The following SLC4A2 variants were observed in gnomAD, a reference collection of about 807,000 sequenced individuals.
SLC4A2 encodes anion exchange protein 2.
Under a neutral mutation model 115.0 loss-of-function variants are expected in SLC4A2, and 36 were observed. The ratio of observed to expected loss-of-function variants is 0.31; its 90% confidence interval spans 0.24 to 0.41. The LOEUF (loss-of-function observed/expected upper bound fraction) is 0.41. Ranked by LOEUF, SLC4A2 falls within the 10% of genes least tolerant of loss-of-function variation. The pLI, the probability that SLC4A2 is intolerant of heterozygous loss-of-function variation, is 1.00. For synonymous variants in SLC4A2, 708 were observed against 708.3 expected, an observed-to-expected ratio of 1.00 and a Z score of 0.01; for missense variants, 1,252 against 1,705.6, an observed-to-expected ratio of 0.73 and a Z score of 4.68.
At chr7:151,074,538 G>C in intron 18 of SLC4A2, 50 bp downstream of exon 18, 1 of 1,603,066 alleles carries the variant, frequency 6.2e-7, no homozygotes. Flanking sequence ...GCCACCCCGG[G>C]TCTAGGTGTT....
At chr7:151,073,765 C>T (rs752059737) in intron 16 of SLC4A2, among the ~76,000 whole-genome samples, 14 of 152,134 alleles carry the variant, frequency 9.2e-5, no homozygotes, top group Non-Finnish European at 1.6e-4. Context: ...GTGCTCATGT[C>T]CTCTTCCTTT....
rs184855519 is a variant in SLC4A2 at position 151,075,781 on chromosome 7, C to T, written c.3471+6C>T. 1.8e-5 allele frequency: 29 copies of T among 1,595,280 alleles called. No homozygotes were observed. Among genetic ancestry groups the T allele is most frequent in the East Asian group, 1.6e-4 (7 of 44,396 alleles). ...ATGTCACTTACGTCAAGAAGGTGAG[C>T]CCCCCAGCTCCCCACCGGAAGGGGT... On this transcript the variant is annotated splice_donor_region_variant and intron_variant, in intron 21 of 22. Coordinates refer to ENST00000413384, the MANE Select transcript of SLC4A2 (RefSeq NM_003040.4).
chr7:151,062,597 G>A, intron 2 of SLC4A2: 1 of 1,497,756 alleles, frequency 6.7e-7, no homozygotes, highest in Non-Finnish European at 8.9e-7. Context: ...AGGGGCACAG[G>A]CTGGTCCCCT....
chr7:151,073,722 A>G (rs1444395813), intron 16 of SLC4A2, among the ~76,000 whole-genome samples: 1 of 152,306 alleles, frequency 6.6e-6, no homozygotes, highest in African/African-American at 2.4e-5. Flanking sequence ...TCTGGGCATC[A>G]GATGTGTGTG....
At position 151,070,424 on chromosome 7, in the gene SLC4A2, C is replaced by T. The variant is rs370632475; in HGVS notation, c.1450-33C>T. On this transcript the variant is annotated intron_variant, in intron 10 of 22. Coordinates refer to ENST00000413384, the MANE Select transcript of SLC4A2 (RefSeq NM_003040.4). ...GGTGTGGACTCAGAGTGGGAGGGGC[C>T]TGGCTGGGCTGAGCCCTGTCTGTGT... The T allele has an allele frequency of 2.5e-6, 4 of 1,611,260 alleles. No homozygotes were observed. The East Asian group carries it at 8.9e-5, about 36-fold the overall frequency.
chr7:151,071,124 C>CCAT lies in SLC4A2; in HGVS notation c.1805_1807dup (p.Ile602dup). 1 of 1,612,766 alleles carries CCAT rather than the reference C, an allele frequency of 6.2e-7. No individual in the cohort carries two copies. The highest frequency in any genetic ancestry group is 8.5e-7 in the Non-Finnish European group (1 of 1,180,032). ...GACGAGCGGGAGGACCTGCTGACGG[C>CCAT]CATCAACGCCTTCCTGGACTGCAGC... On this transcript the variant is annotated inframe_insertion, in exon 13 of 23. Transcript: ENST00000413384. The surrounding 1 kb of genome is among the most constrained non-coding windows in gnomAD (Gnocchi z 5.5).
chr7:151,061,775 A>C, intron 1 of SLC4A2, 150 bp from the exon 2 acceptor site: 1 of 558,006 alleles, frequency 1.8e-6, no homozygotes, highest in Non-Finnish European at 3.2e-6. Context: ...TTTTCTTCCT[A>C]TAAATAACTC....
chr7:151,068,573 A>G (rs1365218539), intron 8 of SLC4A2, among the ~76,000 whole-genome samples: 11 of 152,024 alleles, frequency 7.2e-5, no homozygotes, highest in Admixed American at 7.2e-4. Flanking sequence ...AGGCTGGAGT[A>G]CAGTGGTGTG....
Position 151,074,888 on chromosome 7 carries a change from C to T in SLC4A2, c.3047+47C>T, listed in dbSNP as rs35041630. 1.7e-4 allele frequency: 259 copies of T among 1,525,576 alleles called. 4 individuals carry two copies. In the Middle Eastern group the frequency reaches 6.9e-3, roughly 41 times the overall value. 94.5% of individuals were successfully genotyped at this position (1,525,576 alleles called of 1,614,324 possible). A position where few individuals can be genotyped will look rare whatever the true frequency, so the allele number is the denominator to read the frequency against. On this transcript the variant is annotated intron_variant, in intron 19 of 22. Transcript: ENST00000413384. ...GGTGTGAGAGGCCAGAGCCCCAGGCCAGGCTGGGGAACTCAGCATGGAACC... is the reference window on the plus strand; with the variant it reads ...GGTGTGAGAGGCCAGAGCCCCAGGCTAGGCTGGGGAACTCAGCATGGAACC...
chr7:151,073,905 A>T, intron 16 of SLC4A2, 134 bp from the exon 17 acceptor site: 1 of 953,778 alleles, frequency 1.0e-6, no homozygotes, highest in Non-Finnish European at 1.6e-6. Context: ...TCATTGTCTT[A>T]ATTCAACAAG....
At position 151,071,481 on chromosome 7, in the gene SLC4A2, G is replaced by A. The variant is rs1563358004; in HGVS notation, c.2067G>A (p.Val689=). The A allele has an allele frequency of 6.2e-7, 1 of 1,612,526 alleles. No individual in the cohort carries two copies. ...CCTTTGGGGGGCTGATCCGAGATGT[G>A]CGGCGCCGCTATCCCCACTACCTGA... ...GRPFGGLIRD[V]RRRYPHYLSD... Residue 689 remains valine (V), a synonymous_variant, in exon 14 of 23, where the codon GTG becomes GTA. Coordinates refer to ENST00000413384, the MANE Select transcript of SLC4A2 (RefSeq NM_003040.4). The surrounding 1 kb of genome is among the most constrained non-coding windows in gnomAD (Gnocchi z 5.5).
chr7:151,064,310 G>A lies in SLC4A2; in HGVS notation c.160G>A (p.Ala54Thr). 2 of 1,611,928 alleles carry A rather than the reference G, an allele frequency of 1.2e-6. No homozygotes were observed. Among genetic ancestry groups the A allele is most frequent in the Non-Finnish European group, 1.7e-6 (2 of 1,179,790 alleles). Residue 54 changes from alanine to threonine, a missense_variant, in exon 3 of 23, where the codon GCC (alanine) becomes ACC (threonine). This residue lies in a region of SLC4A2 where 74 missense variants were observed against 85.3 expected (regional missense o/e 0.87). Coordinates refer to ENST00000413384, the MANE Select transcript of SLC4A2 (RefSeq NM_003040.4). ...VERFEEILQE[A>T]GSRGGEEPGR... Reference sequence around the variant, plus strand: ...GCGGTTTGAGGAGATCCTACAGGAGGCCGGGTCTCGTGGAGGGGAGGAGCC... The same window carrying A: ...GCGGTTTGAGGAGATCCTACAGGAGACCGGGTCTCGTGGAGGGGAGGAGCC...
At position 151,074,245 on chromosome 7, in the gene SLC4A2, C is replaced by T. The variant is rs750897362; in HGVS notation, c.2742C>T (p.Ile914=). 3.7e-6 allele frequency: 6 copies of T among 1,612,276 alleles called. No homozygotes were observed. The highest frequency in any genetic ancestry group is 3.3e-5 in the Admixed American group (2 of 60,002). ...SLVLMAGTFF[I]AFFLRKFKNS... Reference sequence around the variant, plus strand: ...TGCTCATGGCCGGCACCTTCTTCATCGCCTTCTTCCTGCGCAAATTCAAGA... The same window carrying T: ...TGCTCATGGCCGGCACCTTCTTCATTGCCTTCTTCCTGCGCAAATTCAAGA... The change falls in exon 17 of 23, where the codon ATC becomes ATT. Residue 914 remains isoleucine (I), a synonymous_variant. Transcript: ENST00000413384.
Position 151,072,051 on chromosome 7 carries a change from G to A in SLC4A2, c.2450G>A (p.Arg817His), listed in dbSNP as rs754519460. The change falls in exon 16 of 23, where the codon CGC becomes CAC. Residue 817 changes from arginine (R) to histidine (H), a missense_variant. By Grantham distance (29) the Arg-to-His change is conservative. Coordinates refer to ENST00000413384, the MANE Select transcript of SLC4A2 (RefSeq NM_003040.4). ...GCCCTGGAGGGGAGCTTCCTGGTCC[G>A]CTTCGTCTCCCGCTTCACCCAGGAG... ...MVALEGSFLV[R>H]FVSRFTQEIF... 22 of 1,613,952 alleles carry A rather than the reference G, an allele frequency of 1.4e-5. No homozygotes were observed. The highest frequency in any genetic ancestry group is 1.9e-5 in the Non-Finnish European group (22 of 1,179,980).
intron 8 of SLC4A2, 133 bp from the exon 9 acceptor site, chr7:151,069,814 C>T (rs1202273398): frequency 4.9e-6 from 5 of 1,015,714 alleles, no homozygotes; most frequent in East Asian, 5.0e-5. Context: ...CTCGAGCCCG[C>T]GTCCTTCATG....
rs778481091 is a variant in SLC4A2 at position 151,074,036 on chromosome 7, C to T, written c.2536-3C>T. 3.2e-6 allele frequency: 5 copies of T among 1,569,956 alleles called. No homozygotes were observed. Among genetic ancestry groups the T allele is most frequent in the Non-Finnish European group, 4.3e-6 (5 of 1,153,902 alleles). On this transcript the variant is annotated splice_polypyrimidine_tract_variant and splice_region_variant and intron_variant, in intron 16 of 22. Coordinates refer to ENST00000413384, the MANE Select transcript of SLC4A2 (RefSeq NM_003040.4). ...TGGAGGCCGTGTGGCCTCCTCTCCC[C>T]AGATCTTCCAGGAGCACCCCCTGCA...
chr7:151,062,828 T>C (rs1203734240), intron 2 of SLC4A2: 2 of 1,376,938 alleles, frequency 1.5e-6, no homozygotes, highest in African/African-American at 3.0e-5. Context: ...GCCAGCCCCC[T>C]GGCCCGCTCA....
intron 20 of SLC4A2, 32 bp downstream of exon 20, chr7:151,075,540 G>A: frequency 1.3e-6 from 2 of 1,593,524 alleles, no homozygotes; most frequent in East Asian, 2.2e-5. Context: ...CCTTCCCAGT[G>A]GATTCCCCAG....
At position 151,069,140 on chromosome 7, in the gene SLC4A2, C is replaced by CAA. The variant is rs397978007; in HGVS notation, c.1148-789_1148-788dup. Among the ~76,000 whole-genome samples the CAA allele has an allele frequency of 3.1e-3, 126 of 40,924 alleles. 18 individuals are homozygous for CAA. Among genetic ancestry groups the CAA allele is most frequent in the African/African-American group, 0.01 (104 of 10,198 alleles). The allele number at this position is 40,924 out of a possible 152,430, so 26.8% of individuals were successfully genotyped here. A position where few individuals can be genotyped will look rare whatever the true frequency, so the allele number is the denominator to read the frequency against. On this transcript the variant is annotated intron_variant, in intron 8 of 22. Transcript: ENST00000413384. Reference sequence around the variant, plus strand: ...AACGACAGAGCGAGACTCTTATCACCAAAAAAAAAAAAAAAAAAAGCAGCT... The same window carrying CAA: ...AACGACAGAGCGAGACTCTTATCACCAAAAAAAAAAAAAAAAAAAAAGCAGCT...
Sources: gnomAD v4.1 joint callset for allele counts (sites outside exome capture counted in the v4.1 genomes callset) on GRCh38, gnomAD v4.1.1 for gene constraint, gnomAD v4.1.1 regional missense constraint, Gnocchi (gnomAD v3.1) non-coding constraint, MANE v1.5 for transcripts, NCBI Gene and HGNC (gene_info 2026-07-23, HGNC 2026-07-21) for gene names.